Variants in LTB observed in about 807,000 individuals in gnomAD.
LTB encodes the protein lymphotoxin beta, also known as lymphotoxin-beta.
Under a neutral mutation model 14.7 loss-of-function variants are expected in LTB, and 17 were observed. The ratio of observed to expected loss-of-function variants is 1.16; its 90% confidence interval spans 0.79 to 1.73. LTB has a LOEUF of 1.73. Among genes scored for constraint, LTB ranks in the 40% most tolerant of loss-of-function variants. The pLI is 0.00. For synonymous variants in LTB, 163 were observed against 157.3 expected, an observed-to-expected ratio of 1.04 and a Z score of -0.27; for missense variants, 288 against 324.3, an observed-to-expected ratio of 0.89 and a Z score of 0.86.
intron 2 of LTB, 65 bp downstream of exon 2, chr6:31,581,749 A>T: frequency 6.2e-7 from 1 of 1,605,902 alleles, no homozygotes; most frequent in Non-Finnish European, 8.5e-7. Flanking sequence ...GTATCTGGGG[A>T]CGCAGCAGGG....
rs544081396 is a variant in LTB at position 31,581,611 on chromosome 6, C to G, written c.228G>C (p.Glu76Asp). The change falls in exon 3 of 4, where the codon GAG becomes GAC. Residue 76 changes from glutamate to aspartate, a missense_variant. Physicochemically the swap from Glu to Asp is conservative, Grantham distance 45. Around this residue, in one of 2 missense-constraint regions of LTB, gnomAD observed 284 missense variants for 299.2 expected, o/e 0.95. Coordinates refer to ENST00000429299, the MANE Select transcript of LTB (RefSeq NM_002341.2). The stretch of plus-strand genomic sequence containing the variant: ...GGCTGAGATCTGTTTCTGGCTCCTC[C>G]TCTGGCAGCTTCTGAAACCCTGGAA... ...QQGLGFQKLPEEEPETDLSPG... is the reference protein window; with the variant it reads ...QQGLGFQKLPDEEPETDLSPG... 6.2e-7 allele frequency: 1 copy of G among 1,612,938 alleles called. No individual in the cohort carries two copies. Among genetic ancestry groups the G allele is most frequent in the Non-Finnish European group, 8.5e-7 (1 of 1,179,972 alleles).
intron 1 of LTB, 184 bp from the exon 2 acceptor site, chr6:31,582,043 G>T: frequency 2.6e-6 from 2 of 760,968 alleles, no homozygotes; most frequent in East Asian, 2.6e-5. Context: ...GATGTACCTC[G>T]GGAAGAGGAG....
Position 31,581,834 on chromosome 6 carries a change from G to C in LTB, c.188C>G (p.Ala63Gly). 1 of 1,603,176 alleles carries C rather than the reference G, an allele frequency of 6.2e-7. No homozygotes were observed. The highest frequency in any genetic ancestry group is 8.5e-7 in the Non-Finnish European group (1 of 1,176,030). ...GLVTETADPG[A>G]QAQQGLGFQK... ...CTTACCCAGTCCTTGCTGGGCCTGT[G>C]CCCCGGGGTCGGCCGTCTCCGTTAC... Residue 63 changes from alanine to glycine, a missense_variant, in exon 2 of 4, where the codon GCA (alanine) becomes GGA (glycine). This residue lies in a region of LTB where 284 missense variants were observed against 299.2 expected (regional missense o/e 0.95). Transcript: ENST00000429299.
At chr6:31,581,230 T>C (rs1771488914) in intron 3 of LTB, 67 bp from the exon 4 acceptor site, 1 of 1,437,104 alleles carries the variant, frequency 7.0e-7, no homozygotes, top group African/African-American at 1.4e-5. Flanking sequence ...TCTGGGGAAG[T>C]GGCGGCTTTT....
At chr6:31,582,086 G>T in intron 1 of LTB, 170 bp downstream of exon 1, 1 of 856,368 alleles carries the variant, frequency 1.2e-6, no homozygotes, top group Non-Finnish European at 1.8e-6. Context: ...CGGGACACAA[G>T]CACAACATCA....
intron 3 of LTB, 45 bp downstream of exon 3, chr6:31,581,514 C>G: frequency 6.4e-7 from 1 of 1,569,614 alleles, no homozygotes; most frequent in Non-Finnish European, 8.8e-7. Flanking sequence ...AGAACTGGAA[C>G]CTTCGGATTA....
chr6:31,580,742 C>G lies in LTB; in HGVS notation c.702G>C (p.Gly234=). 1.9e-6 allele frequency: 3 copies of G among 1,612,760 alleles called. No homozygotes were observed. Among genetic ancestry groups the G allele is most frequent in the Non-Finnish European group, 2.5e-6 (3 of 1,179,780 alleles). ...CCATCACGGCCCCAAAGAAGGTCTT[C>G]CCTCTCGCGAAGTCCACCATATCGG... is the stretch of plus-strand genomic sequence containing the variant. ...SHPDMVDFAR[G]KTFFGAVMVG The change falls in exon 4 of 4, where the codon GGG becomes GGC. Residue 234 remains glycine, a synonymous_variant. Transcript: ENST00000429299. The surrounding 1 kb of genome is among the most constrained non-coding windows in gnomAD (Gnocchi z 6.6).
Position 31,580,728 on chromosome 6 carries a change from C to T in LTB, c.716G>A (p.Gly239Glu). 6.2e-7 allele frequency: 1 copy of T among 1,611,496 alleles called. No individual in the cohort carries two copies. The highest frequency in any genetic ancestry group is 1.1e-5 in the South Asian group (1 of 91,012). ...ATTCCCTCACCCCACCATCACGGCC[C>T]CAAAGAAGGTCTTCCCTCTCGCGAA... is the stretch of plus-strand genomic sequence containing the variant. ...VDFARGKTFF[G>E]AVMVG The change falls in exon 4 of 4, where the codon GGG becomes GAG. Residue 239 changes from glycine (G) to glutamate (E), a missense_variant. Transcript: ENST00000429299. This position sits in a 1 kb window ranked among gnomAD's most constrained non-coding sequence, Gnocchi z 6.6.
chr6:31,582,218 G>C (rs749356097), intron 1 of LTB, 38 bp downstream of exon 1: 2 of 1,607,506 alleles, frequency 1.2e-6, no homozygotes, highest in East Asian at 2.2e-5. Context: ...GCATCCGCAA[G>C]ATACAACTCT....
At position 31,581,812 on chromosome 6, in the gene LTB, A is replaced by T. The variant is rs745342101; in HGVS notation, c.208+2T>A. On this transcript the variant is annotated splice_donor_variant, in intron 2 of 3. Coordinates refer to ENST00000429299, the MANE Select transcript of LTB (RefSeq NM_002341.2). LOFTEE classifies it high-confidence loss of function. The stretch of plus-strand genomic sequence containing the variant: ...GGGGAAGGAGAGACAGTCTGCTCTT[A>T]CCCAGTCCTTGCTGGGCCTGTGCCC... 1 of 1,610,830 alleles carries T rather than the reference A, an allele frequency of 6.2e-7. No homozygotes were observed. Among genetic ancestry groups the T allele is most frequent in the Non-Finnish European group, 8.5e-7 (1 of 1,179,088 alleles).
intron 2 of LTB, 28 bp from the exon 3 acceptor site, chr6:31,581,658 G>C (rs545532207): frequency 6.2e-7 from 1 of 1,610,640 alleles, no homozygotes; most frequent in Non-Finnish European, 8.5e-7. Flanking sequence ...TCCACGATTG[G>C]GGGCAGGGCA....
chr6:31,581,942 G>A, intron 1 of LTB, 83 bp from the exon 2 acceptor site: 18 of 1,385,096 alleles, frequency 1.3e-5, no homozygotes, highest in Non-Finnish European at 1.8e-5. Context: ...CCAAGCTGCA[G>A]GCCTGGGGTT....
intron 3 of LTB, 106 bp downstream of exon 3, chr6:31,581,452 CG>C: frequency 9.4e-7 from 1 of 1,064,580 alleles, no homozygotes; most frequent in South Asian, 1.3e-5. Context: ...GGTCGTGAAG[CG>C]GGTGGGAAAC....
In LTB at chr6:31,581,552, T is replaced by C; in HGVS notation, c.280+7A>G. The C allele has an allele frequency of 6.2e-7, 1 of 1,612,258 alleles. No individual in the cohort carries two copies. Among genetic ancestry groups the C allele is most frequent in the Non-Finnish European group, 8.5e-7 (1 of 1,179,448 alleles). On this transcript the variant is annotated splice_region_variant and intron_variant, in intron 3 of 3. Coordinates refer to ENST00000429299, the MANE Select transcript of LTB (RefSeq NM_002341.2). ...TACACTCTTATTCAGGTCTTGGAGG[T>C]CCTTACCTATGAGGTGGGCAGCTGG... is the stretch of plus-strand genomic sequence containing the variant.
chr6:31,582,248 C>G lies in LTB; in HGVS notation c.162+8G>C, dbSNP rs574383971. ...AACTCTCCACCAGGGCCTGTTGCAGCCACTCACCAGTCCTCCCTGATCCTG... is the reference window on the plus strand; with the variant it reads ...AACTCTCCACCAGGGCCTGTTGCAGGCACTCACCAGTCCTCCCTGATCCTG... On this transcript the variant is annotated splice_region_variant and intron_variant, in intron 1 of 3. Transcript: ENST00000429299. 1 of 1,612,608 alleles carries G rather than the reference C, an allele frequency of 6.2e-7. No individual in the cohort carries two copies. Among genetic ancestry groups the G allele is most frequent in the Non-Finnish European group, 8.5e-7 (1 of 1,179,688 alleles).
In LTB at chr6:31,581,168, G is replaced by A; in HGVS notation, c.281-5C>T. The A allele has an allele frequency of 1.3e-6, 2 of 1,524,298 alleles. No homozygotes were observed. The highest frequency in any genetic ancestry group is 1.3e-5 in the South Asian group (1 of 77,388). The allele number at this position is 1,524,298 out of a possible 1,614,324, so 94.4% of individuals were successfully genotyped here. Reference sequence around the variant, plus strand: ...CCTGCCCCTTCAGCGGAGCGCCTGCGGAGACACGGGCCGACGCGCTCTTGG... The same window carrying A: ...CCTGCCCCTTCAGCGGAGCGCCTGCAGAGACACGGGCCGACGCGCTCTTGG... On this transcript the variant is annotated splice_region_variant and splice_polypyrimidine_tract_variant and intron_variant, in intron 3 of 3. Transcript: ENST00000429299.
chr6:31,581,236 C>T, intron 3 of LTB, 73 bp from the exon 4 acceptor site: 1 of 1,395,592 alleles, frequency 7.2e-7, no homozygotes, highest in Non-Finnish European at 9.6e-7. Flanking sequence ...GAAGTGGCGG[C>T]TTTTAGCCCC....
rs3093552 is a variant in LTB at position 31,582,024 on chromosome 6, G to A, written c.163-165C>T. On this transcript the variant is annotated intron_variant, in intron 1 of 3. Transcript: ENST00000429299. ...ACAAGCAAGGCATAGGTACTTGGGC[G>A]GAGAAACAGATGTACCTCGGGAAGA... The A allele has an allele frequency of 2.3e-4, 182 of 804,118 alleles. No individual in the cohort carries two copies. In the African/African-American group the frequency reaches 2.7e-3, roughly 12 times the overall value. 49.8% of individuals were successfully genotyped at this position (804,118 alleles called of 1,614,324 possible).
Position 31,580,992 on chromosome 6 carries a change from TCCCCGCCGCC to T in LTB, c.442_451del (p.Gly148ThrfsTer35). Reference sequence around the variant, plus strand: ...CAGCGTGACCGAGCGGCCCTGGGGGTCCCCGCCGCCAGGGGGCGCCCGGCCCCGGTAGCCG... The same window carrying T: ...CAGCGTGACCGAGCGGCCCTGGGGGTAGGGGGCGCCCGGCCCCGGTAGCCG... On this transcript the variant is annotated frameshift_variant, in exon 4 of 4. Coordinates refer to ENST00000429299, the MANE Select transcript of LTB (RefSeq NM_002341.2). LOFTEE classifies it low-confidence loss of function (END_TRUNC). This position sits in a 1 kb window ranked among gnomAD's most constrained non-coding sequence, Gnocchi z 6.6. 1 of 1,563,828 alleles carries T rather than the reference TCCCCGCCGCC, an allele frequency of 6.4e-7. No individual in the cohort carries two copies. Among genetic ancestry groups the T allele is most frequent in the East Asian group, 2.4e-5 (1 of 42,030 alleles).
Sources: allele counts gnomAD v4.1 joint callset, GRCh38; gene constraint gnomAD v4.1.1; regional missense constraint gnomAD v4.1.1; non-coding constraint Gnocchi (gnomAD v3.1); transcripts MANE v1.5; gene names NCBI Gene and HGNC (gene_info 2026-07-23, HGNC 2026-07-21).